Variants in EPS15 observed in about 807,000 individuals in gnomAD.
EPS15 encodes the protein epidermal growth factor receptor pathway substrate 15, also known as epidermal growth factor receptor substrate 15.
A neutral mutation model predicts 113.8 loss-of-function variants in EPS15; 72 were observed. The observed-to-expected ratio is 0.63, with a 90% CI of 0.52 to 0.77. The LOEUF (loss-of-function observed/expected upper bound fraction) is 0.77. EPS15 is among the 30% of genes least tolerant of loss of function. The pLI is 0.00. For synonymous variants in EPS15, 344 were observed against 363.4 expected (o/e 0.95, Z 0.61); for missense variants, 1,048 against 1,045.8 (o/e 1.00, Z -0.03).
Position 51,452,449 on chromosome 1 carries a change from A to G in EPS15, c.562-4314T>C, listed in dbSNP as rs369457605. Among the ~76,000 whole-genome samples, 18 of 152,064 alleles carry G rather than the reference A, an allele frequency of 1.2e-4. 1 individual carries two copies. The East Asian group carries it at 2.9e-3, about 25-fold the overall frequency. Reference sequence around the variant, plus strand: ...ATGCGTACGTCACCATGCCTGGCTAATTTTTTTATGTTTTGCAGAGATGGG... The same window carrying G: ...ATGCGTACGTCACCATGCCTGGCTAGTTTTTTTATGTTTTGCAGAGATGGG... On this transcript the variant is annotated intron_variant, in intron 8 of 24. Transcript: ENST00000371733.
chr1:51,441,251 A>G (rs370146579), intron 11 of EPS15, among the ~76,000 whole-genome samples: 1 of 152,204 alleles, frequency 6.6e-6, no homozygotes. Context: ...AATGTAAGCT[A>G]TTGTTATAAT....
chr1:51,440,328 G>T lies in EPS15; in HGVS notation c.1040+19C>A. The T allele has an allele frequency of 9.3e-7, 1 of 1,075,270 alleles. No individual in the cohort carries two copies. Among genetic ancestry groups the T allele is most frequent in the Non-Finnish European group, 1.4e-6 (1 of 712,134 alleles). 66.6% of individuals were successfully genotyped at this position (1,075,270 alleles called of 1,614,324 possible). The stretch of plus-strand genomic sequence containing the variant: ...GTGTGTGTGTGTATGTGAGTAGGCT[G>T]TAATTTTGCTTTACATACCTCTGTA... On this transcript the variant is annotated intron_variant, in intron 12 of 24. Transcript: ENST00000371733.
chr1:51,508,229 A>AG (rs1557536279), intron 1 of EPS15, among the ~76,000 whole-genome samples: 497 of 116,170 alleles, frequency 4.3e-3, no homozygotes, highest in African/African-American at 8.6e-3. Context: ...AAAAGAAAAG[A>AG]AAAGAAAAGA....
At chr1:51,489,775 T>C (rs1003087509) in intron 1 of EPS15, among the ~76,000 whole-genome samples, 6 of 152,096 alleles carry the variant, frequency 3.9e-5, no homozygotes, top group Admixed American at 6.6e-5. Flanking sequence ...AAGTTCCAGT[T>C]CCAAGTAGAA....
In EPS15 at chr1:51,470,592, A is replaced by G. The variant is rs1038239801; in HGVS notation, c.213+1098T>C. On this transcript the variant is annotated intron_variant, in intron 4 of 24. Coordinates refer to ENST00000371733, the MANE Select transcript of EPS15 (RefSeq NM_001981.3). ...AATCCCGGAGGCAGAGGTTGCAGTG[A>G]GCCAAGATCACGCCACTGTACTCCA... Among the ~76,000 whole-genome samples the G allele has an allele frequency of 4.7e-5, 7 of 147,632 alleles. No individual in the cohort carries two copies. The Admixed American group carries it at 4.9e-4, about 10-fold the overall frequency.
At chr1:51,497,338 A>G (rs1170208618) in intron 1 of EPS15, among the ~76,000 whole-genome samples, 1 of 152,226 alleles carries the variant, frequency 6.6e-6, no homozygotes, top group Non-Finnish European at 1.5e-5. Flanking sequence ...TTATACTAAA[A>G]TTGAGGGGAA....
intron 8 of EPS15, 76 bp from the exon 9 acceptor site, chr1:51,448,211 T>C: frequency 1.2e-6 from 1 of 824,096 alleles, no homozygotes; most frequent in Non-Finnish European, 1.9e-6. Flanking sequence ...TATTGTTCAA[T>C]GATAAATCAT....
rs1418367798 is a variant in EPS15, at chr1:51,465,377, G to A, written c.310-51C>T. The A allele has an allele frequency of 6.1e-6, 8 of 1,304,070 alleles. No individual in the cohort carries two copies. In the Admixed American group the frequency reaches 1.0e-4, roughly 17 times the overall value. 80.8% of individuals were successfully genotyped at this position (1,304,070 alleles called of 1,614,324 possible). A position where few individuals can be genotyped will look rare whatever the true frequency, so the allele number is the denominator to read the frequency against. ...AGAGTTGAAATTCTCACATCAAGAA[G>A]CAATGAAGAAAAAATGGTTTTTGGA... On this transcript the variant is annotated intron_variant, in intron 5 of 24. Coordinates refer to ENST00000371733, the MANE Select transcript of EPS15 (RefSeq NM_001981.3).
At chr1:51,374,835 C>T (rs554066869) in intron 21 of EPS15, among the ~76,000 whole-genome samples, 165 of 152,004 alleles carry the variant, frequency 1.1e-3, no homozygotes, top group Non-Finnish European at 2.1e-3. Flanking sequence ...TCCCAAGTAG[C>T]TGGAATTACA....
At chr1:51,447,778 A>G (rs1653186052) in intron 9 of EPS15, among the ~76,000 whole-genome samples, 1 of 152,220 alleles carries the variant, frequency 6.6e-6, no homozygotes, top group East Asian at 1.9e-4. Context: ...TGTAGAAGGA[A>G]TATCTGTCTT....
intron 4 of EPS15, among the ~76,000 whole-genome samples, chr1:51,470,903 C>T (rs1394431601): frequency 2.6e-5 from 4 of 152,114 alleles, no homozygotes; most frequent in Non-Finnish European, 5.9e-5. Flanking sequence ...CTACATGGCA[C>T]CTAGGTGGGC....
chr1:51,401,046 A>T (rs934191069), intron 18 of EPS15, 93 bp from the exon 19 acceptor site: 13 of 768,944 alleles, frequency 1.7e-5, no homozygotes, highest in Non-Finnish European at 2.5e-5. Context: ...AAAGCAAAGC[A>T]AAGTTTATTT....
At chr1:51,430,087 G>A (rs545988566) in intron 12 of EPS15, among the ~76,000 whole-genome samples, 2 of 152,272 alleles carry the variant, frequency 1.3e-5, no homozygotes, top group South Asian at 4.1e-4. Flanking sequence ...AGAGGAAGCA[G>A]AGGCTCTTAT....
chr1:51,518,307 C>G (rs1644763949), intron 1 of EPS15: 1 of 152,342 alleles, frequency 6.6e-6, no homozygotes, highest in South Asian at 2.1e-4. Context: ...CAGGAAGCAA[C>G]GAGGCAAGAG....
chr1:51,496,094 T>C (rs1644318373), intron 1 of EPS15, among the ~76,000 whole-genome samples: 1 of 152,218 alleles, frequency 6.6e-6, no homozygotes, highest in African/African-American at 2.4e-5. Context: ...AAGCATTTCC[T>C]ATACTCCAAG....
intron 21 of EPS15, among the ~76,000 whole-genome samples, chr1:51,391,325 G>A (rs1215108087): frequency 1.3e-5 from 2 of 152,030 alleles, no homozygotes; most frequent in African/African-American, 2.4e-5. Context: ...GGGTTGGGGG[G>A]AAGGGGGAGG....
chr1:51,440,291 G>A, intron 12 of EPS15, 56 bp downstream of exon 12: 5 of 652,840 alleles, frequency 7.7e-6, no homozygotes, highest in Admixed American at 2.1e-5. Context: ...GTGTGTGTGT[G>A]TGTGTGTGTG....
chr1:51,501,703 T>C (rs1644417967), intron 1 of EPS15, among the ~76,000 whole-genome samples: 1 of 152,074 alleles, frequency 6.6e-6, no homozygotes, highest in African/African-American at 2.4e-5. Flanking sequence ...GCTCTCAAAC[T>C]CCTGATCTCA....
chr1:51,391,008 T>A (rs1557792800), intron 21 of EPS15, among the ~76,000 whole-genome samples: 2 of 152,194 alleles, frequency 1.3e-5, no homozygotes, highest in African/African-American at 4.8e-5. Flanking sequence ...TAAAGACACA[T>A]GCACACGTAT....
Sources: gnomAD v4.1 joint callset for allele counts (sites outside exome capture counted in the v4.1 genomes callset) on GRCh38, gnomAD v4.1.1 for gene constraint, MANE v1.5 for transcripts, NCBI Gene and HGNC (gene_info 2026-07-23, HGNC 2026-07-21) for gene names.